Variants in APBB1IP observed in about 807,000 individuals in gnomAD.
The protein encoded by APBB1IP is amyloid beta precursor protein binding family B member 1 interacting protein, also known as amyloid beta A4 precursor protein-binding family B member 1-interacting protein.
In APBB1IP, 27 loss-of-function variants were observed where a neutral mutation model predicts 64.9. The observed-to-expected ratio is 0.42, with a 90% CI of 0.31 to 0.57. APBB1IP has a LOEUF of 0.57. Ranked by LOEUF, APBB1IP falls within the 20% of genes least tolerant of loss-of-function variation. APBB1IP has a pLI of 0.20. For missense variants in APBB1IP, 812 were observed against 845.5 expected, an observed-to-expected ratio of 0.96 and a Z score of 0.49; for synonymous variants, 392 against 331.0, an observed-to-expected ratio of 1.18 and a Z score of -2.00.
chr10:26,560,643 A>T, intron 12 of APBB1IP, 87 bp from the exon 13 acceptor site: 1 of 877,502 alleles, frequency 1.1e-6, no homozygotes, highest in Non-Finnish European at 1.7e-6. Context: ...TGGAGTATTT[A>T]TTTCTTCTGT....
At chr10:26,547,119 G>A (rs1170867246) in intron 11 of APBB1IP, among the ~76,000 whole-genome samples, 2 of 152,108 alleles carry the variant, frequency 1.3e-5, no homozygotes, top group East Asian at 1.9e-4. Context: ...TCTCATTGTA[G>A]TTTTGATTTG....
intron 10 of APBB1IP, among the ~76,000 whole-genome samples, chr10:26,541,195 AAAT>A (rs1836692274): frequency 6.6e-6 from 1 of 152,156 alleles, no homozygotes; most frequent in South Asian, 2.1e-4. Context: ...TTTGATTGAC[AAAT>A]AATAATTGTA....
rs1418686980 is a variant in APBB1IP, at chr10:26,560,835, C to T, written c.1360C>T (p.Pro454Ser). ...GTVNAAAPAQ[P>S]STGPKTGTTQ... Reference sequence around the variant, plus strand: ...AGTCAATGCAGCTGCACCAGCTCAGCCATCTACAGGTACTAAGTGGAGGAG... The same window carrying T: ...AGTCAATGCAGCTGCACCAGCTCAGTCATCTACAGGTACTAAGTGGAGGAG... The change falls in exon 13 of 15, where the codon CCA (proline) becomes TCA (serine). Residue 454 changes from proline (P) to serine (S), a missense_variant. Pro to Ser is a moderately conservative substitution (Grantham distance 74, BLOSUM62 -1). This residue lies in a region of APBB1IP where 381 missense variants were observed against 352.1 expected (regional missense o/e 1.08). Transcript: ENST00000376236. 1.9e-6 allele frequency: 3 copies of T among 1,592,744 alleles called. No individual in the cohort carries two copies. Among genetic ancestry groups the T allele is most frequent in the Non-Finnish European group, 1.7e-6 (2 of 1,170,276 alleles).
intron 2 of APBB1IP, among the ~76,000 whole-genome samples, chr10:26,472,377 G>A (rs141091512): frequency 7.7e-4 from 117 of 152,282 alleles, no homozygotes; most frequent in African/African-American, 2.8e-3. Context: ...TTTTACAATC[G>A]CTATGGTCTG....
intron 2 of APBB1IP, among the ~76,000 whole-genome samples, chr10:26,487,081 AC>A (rs1266371152): frequency 2.6e-5 from 4 of 150,948 alleles, no homozygotes; most frequent in Middle Eastern, 3.2e-3. Context: ...TTCTAACTCC[AC>A]CCAGTCACGA....
intron 2 of APBB1IP, among the ~76,000 whole-genome samples, chr10:26,487,445 G>A (rs1564358385): frequency 6.6e-6 from 1 of 152,118 alleles, no homozygotes; most frequent in Non-Finnish European, 1.5e-5. Context: ...GAAGTCAAAT[G>A]TCTTTTTATC....
In APBB1IP at chr10:26,477,091, G is replaced by A. The variant is rs563534643; in HGVS notation, c.1-15236G>A. On this transcript the variant is annotated intron_variant, in intron 2 of 14. Coordinates refer to ENST00000376236, the MANE Select transcript of APBB1IP (RefSeq NM_019043.4). ...TCTGGGATTACAGGTGTGAACCACC[G>A]TACCCAGCCCTACTTTTCTTCCCAG... is the stretch of plus-strand genomic sequence containing the variant. 5.3e-5 allele frequency among the ~76,000 whole-genome samples: 8 copies of A among 152,240 alleles called. No homozygotes were observed. In the South Asian group the frequency reaches 8.3e-4, roughly 16 times the overall value.
At chr10:26,481,424 C>T (rs1418342562) in intron 2 of APBB1IP, among the ~76,000 whole-genome samples, 1 of 152,072 alleles carries the variant, frequency 6.6e-6, no homozygotes, top group South Asian at 2.1e-4. Flanking sequence ...AAAATCACAG[C>T]AATTTGGAAA....
intron 2 of APBB1IP, among the ~76,000 whole-genome samples, chr10:26,446,657 T>C (rs1835401868): frequency 6.6e-6 from 1 of 152,170 alleles, no homozygotes; most frequent in South Asian, 2.1e-4. Flanking sequence ...TCACCACACG[T>C]CTATTGATGG....
intron 8 of APBB1IP, among the ~76,000 whole-genome samples, chr10:26,523,358 G>A (rs1836428621): frequency 6.6e-6 from 1 of 152,200 alleles, no homozygotes; most frequent in Admixed American, 6.5e-5. Flanking sequence ...TGAAAGCAAA[G>A]AATTAGAATC....
chr10:26,469,545 T>C (rs7902872), intron 2 of APBB1IP, among the ~76,000 whole-genome samples: 58,002 of 151,978 alleles, frequency 0.38, 11,361 homozygotes, highest in Admixed American at 0.54. Context: ...CCACCGCACC[T>C]GGCCAATATA....
chr10:26,548,657 A>G (rs1836795994), intron 11 of APBB1IP, among the ~76,000 whole-genome samples: 1 of 152,152 alleles, frequency 6.6e-6, no homozygotes, highest in Non-Finnish European at 1.5e-5. Flanking sequence ...CTACTGTTGA[A>G]TAGAAATGCT....
intron 11 of APBB1IP, among the ~76,000 whole-genome samples, chr10:26,542,940 G>A (rs1363640953): frequency 6.7e-6 from 1 of 148,466 alleles, no homozygotes; most frequent in Non-Finnish European, 1.5e-5. Context: ...GTCATAGCTT[G>A]GGGCATGGAG....
chr10:26,554,683 G>C (rs1334350336), intron 11 of APBB1IP, among the ~76,000 whole-genome samples: 1 of 152,168 alleles, frequency 6.6e-6, no homozygotes, highest in Admixed American at 6.5e-5. Flanking sequence ...CTGGGCTTAA[G>C]TGATCCTCCT....
chr10:26,551,125 A>T (rs1836824977), intron 11 of APBB1IP, among the ~76,000 whole-genome samples: 1 of 152,328 alleles, frequency 6.6e-6, no homozygotes, highest in East Asian at 1.9e-4. Context: ...CATCTGGTGT[A>T]TCATCACATC....
intron 6 of APBB1IP, among the ~76,000 whole-genome samples, chr10:26,510,734 T>TCACA (rs1554776713): frequency 0.042 from 5,695 of 135,812 alleles, 116 homozygotes; most frequent in South Asian, 0.071. Context: ...AGACCCTGTC[T>TCACA]CACACACACA....
chr10:26,455,484 C>T (rs1451787231), intron 2 of APBB1IP, among the ~76,000 whole-genome samples: 5 of 149,522 alleles, frequency 3.3e-5, no homozygotes, highest in Non-Finnish European at 5.9e-5. Flanking sequence ...GTTGAGATTG[C>T]ATCACTGCAC....
intron 2 of APBB1IP, among the ~76,000 whole-genome samples, chr10:26,474,523 G>A (rs1270825938): frequency 1.3e-5 from 2 of 152,108 alleles, no homozygotes; most frequent in Non-Finnish European, 2.9e-5. Context: ...TAATAACTGA[G>A]GTAAAGCATT....
At chr10:26,481,281 G>T (rs1464983448) in intron 2 of APBB1IP, among the ~76,000 whole-genome samples, 1 of 152,050 alleles carries the variant, frequency 6.6e-6, no homozygotes, top group African/African-American at 2.4e-5. Context: ...TTTGGGTGTT[G>T]TTCAGTTCTC....
Sources: gnomAD v4.1 joint callset for allele counts (sites outside exome capture counted in the v4.1 genomes callset) on GRCh38, gnomAD v4.1.1 for gene constraint, gnomAD v4.1.1 regional missense constraint, MANE v1.5 for transcripts, NCBI Gene and HGNC (gene_info 2026-07-23, HGNC 2026-07-21) for gene names.